CSMD1: variants seen among roughly 807,000 people sequenced by gnomAD.
CSMD1 encodes CUB and sushi domain-containing protein 1.
CSMD1 carries 213 observed loss-of-function variants against 417.5 expected under a neutral mutation model. The ratio of observed to expected loss-of-function variants is 0.51; its 90% CI spans 0.46 to 0.57. The LOEUF is 0.57. Among genes scored for constraint, CSMD1 ranks in the 20% least tolerant of loss-of-function variants. The probability of loss-of-function intolerance (pLI) is 0.00; values close to 1 mark genes in which losing one functional copy is unlikely to be tolerated. For missense variants in CSMD1, 6,923 were observed against 4,529.7 expected (o/e 1.53, Z -15.17); for synonymous variants, 2,862 against 1,736.8 (o/e 1.65, Z -16.11).
At chr8:3,679,626 C>T (rs912884370) in intron 7 of CSMD1, among the ~76,000 whole-genome samples, 1 of 152,076 alleles carries the variant, frequency 6.6e-6, no homozygotes, top group African/African-American at 2.4e-5. Flanking sequence ...GACAGATCAA[C>T]AAGACAGCAA....
intron 2 of CSMD1, among the ~76,000 whole-genome samples, chr8:4,590,771 T>C (rs1205318227): frequency 2.0e-5 from 3 of 152,184 alleles, no homozygotes; most frequent in Non-Finnish European, 4.4e-5. Context: ...AGGACACTAG[T>C]AACTAAGATT....
intron 3 of CSMD1, among the ~76,000 whole-genome samples, chr8:4,040,184 G>A (rs773259889): frequency 3.3e-5 from 5 of 152,188 alleles, no homozygotes; most frequent in Non-Finnish European, 5.9e-5. Context: ...TGTAATGGAA[G>A]TGAAGGAGAA....
chr8:3,485,526 T>TACACACACACAC (rs149963962), intron 11 of CSMD1, among the ~76,000 whole-genome samples: 78 of 136,162 alleles, frequency 5.7e-4, no homozygotes, highest in African/African-American at 1.5e-3. Flanking sequence ...TTCATAACAA[T>TACACACACACAC]ACACACACAC....
At chr8:3,973,263 G>C (rs1238211953) in intron 5 of CSMD1, among the ~76,000 whole-genome samples, 2 of 152,146 alleles carry the variant, frequency 1.3e-5, no homozygotes, top group Admixed American at 6.5e-5. Flanking sequence ...GCTATGGCTT[G>C]GTCATGAGCC....
intron 1 of CSMD1, among the ~76,000 whole-genome samples, chr8:4,838,409 G>C (rs1012926735): frequency 6.6e-6 from 1 of 152,128 alleles, no homozygotes; most frequent in East Asian, 1.9e-4. Flanking sequence ...CCTGATATTT[G>C]TTCTATGGTA....
intron 7 of CSMD1, among the ~76,000 whole-genome samples, chr8:3,623,995 A>AC (rs1199758720): frequency 6.6e-6 from 1 of 152,090 alleles, no homozygotes; most frequent in Non-Finnish European, 1.5e-5. Context: ...ACAAAACAAA[A>AC]AAAAAACCTT....
At chr8:2,966,045 T>C in intron 58 of CSMD1, 91 bp from the exon 59 acceptor site, 1 of 1,192,810 alleles carries the variant, frequency 8.4e-7, no homozygotes, top group Non-Finnish European at 1.2e-6. Context: ...TCTCTCTGAG[T>C]TGCTATTCAC....
chr8:4,081,735 G>A (rs190409314), intron 3 of CSMD1, among the ~76,000 whole-genome samples: 1 of 152,198 alleles, frequency 6.6e-6, no homozygotes, highest in Admixed American at 6.5e-5. Context: ...ATTAGGAAAA[G>A]GTAACAAGAG....
intron 12 of CSMD1, among the ~76,000 whole-genome samples, chr8:3,454,371 A>G (rs1815964349): frequency 1.3e-5 from 2 of 152,208 alleles, no homozygotes; most frequent in South Asian, 4.1e-4. Context: ...TTAGCTGGTT[A>G]TTTTGCTTGT....
intron 2 of CSMD1, among the ~76,000 whole-genome samples, chr8:4,565,381 C>T (rs1315811461): frequency 2.0e-5 from 3 of 152,100 alleles, no homozygotes; most frequent in Non-Finnish European, 2.9e-5. Flanking sequence ...GTGGTATGCC[C>T]ACACTTAACC....
chr8:3,313,081 C>G (rs751990283), intron 23 of CSMD1, among the ~76,000 whole-genome samples: 1 of 152,166 alleles, frequency 6.6e-6, no homozygotes, highest in South Asian at 2.1e-4. Flanking sequence ...TAATTCTGCA[C>G]TATTTCAGAA....
chr8:4,399,403 TAA>T, intron 3 of CSMD1, among the ~76,000 whole-genome samples: 1 of 152,354 alleles, frequency 6.6e-6, no homozygotes, highest in South Asian at 2.1e-4. Context: ...AGGCAAGGGC[TAA>T]AGAGGTTAAC....
chr8:4,239,202 G>A (rs1228597697), intron 3 of CSMD1, among the ~76,000 whole-genome samples: 1 of 152,160 alleles, frequency 6.6e-6, no homozygotes, highest in African/African-American at 2.4e-5. Flanking sequence ...TAGAGATACA[G>A]TTGAGTCTCA....
intron 10 of CSMD1, among the ~76,000 whole-genome samples, chr8:3,523,457 G>A (rs1390639591): frequency 6.6e-6 from 1 of 152,102 alleles, no homozygotes; most frequent in African/African-American, 2.4e-5. Flanking sequence ...AGAGAATAAG[G>A]TGCCTAAAGT....
At chr8:4,104,472 A>G (rs1338822437) in intron 3 of CSMD1, among the ~76,000 whole-genome samples, 1 of 152,182 alleles carries the variant, frequency 6.6e-6, no homozygotes, top group East Asian at 1.9e-4. Context: ...CACTGAATGT[A>G]TTTGACTCTA....
intron 1 of CSMD1, among the ~76,000 whole-genome samples, chr8:4,727,943 A>T (rs1327438340): frequency 3.3e-5 from 4 of 122,600 alleles, no homozygotes; most frequent in Admixed American, 2.1e-4. Flanking sequence ...ATATATACAA[A>T]ATATATATAT....
intron 18 of CSMD1, among the ~76,000 whole-genome samples, chr8:3,377,366 G>T (rs933470331): frequency 1.3e-5 from 2 of 152,066 alleles, no homozygotes; most frequent in African/African-American, 4.8e-5. Context: ...TTCCAGTGCT[G>T]CAAATTACAG....
chr8:4,599,130 A>G (rs1180057490), intron 2 of CSMD1, among the ~76,000 whole-genome samples: 13 of 152,220 alleles, frequency 8.5e-5, no homozygotes, highest in African/African-American at 1.7e-4. Flanking sequence ...CTTCCAGACT[A>G]AGGTATTAAA....
chr8:3,511,565 G>C (rs184042586), intron 10 of CSMD1, among the ~76,000 whole-genome samples: 1 of 151,404 alleles, frequency 6.6e-6, no homozygotes, highest in African/African-American at 2.4e-5. Flanking sequence ...GATCAGCCCG[G>C]CCAAAATGGT....
Sources: allele counts gnomAD v4.1 joint callset (sites outside exome capture counted in the v4.1 genomes callset), GRCh38; gene constraint gnomAD v4.1.1; transcripts MANE v1.5; gene names NCBI Gene and HGNC (gene_info 2026-07-23, HGNC 2026-07-21).